Variants in CEMIP observed in about 807,000 individuals in gnomAD.
The protein encoded by CEMIP is cell migration-inducing and hyaluronan-binding protein.
CEMIP carries 105 observed loss-of-function variants against 156.9 expected under a neutral mutation model. The ratio of observed to expected loss-of-function variants is 0.67; its 90% CI spans 0.57 to 0.79. The LOEUF is 0.79. Among genes scored for constraint, CEMIP ranks in the 30% least tolerant of loss-of-function variants. CEMIP has a pLI of 0.00. For missense variants in CEMIP, 1,457 were observed against 1,769.4 expected, an observed-to-expected ratio of 0.82 and a Z score of 3.17; for synonymous variants, 676 against 668.4, an observed-to-expected ratio of 1.01 and a Z score of -0.17.
In CEMIP at chr15:80,872,277, G is replaced by A. The variant is rs183573246; in HGVS notation, c.-175-1261G>A. Among the ~76,000 whole-genome samples, 104 of 152,166 alleles carry A rather than the reference G, an allele frequency of 6.8e-4. 1 individual carries two copies. Among genetic ancestry groups the A allele is most frequent in the African/African-American group, 2.4e-3 (100 of 41,430 alleles). ...GGCACAACTACAGTCATATTCAGAG[G>A]AGAAATTGCGGAGATGGCATAGAAG... On this transcript the variant is annotated intron_variant, in intron 1 of 29. Coordinates refer to ENST00000394685, the MANE Select transcript of CEMIP (RefSeq NM_001293298.2).
intron 1 of CEMIP, among the ~76,000 whole-genome samples, chr15:80,793,043 C>G (rs1896122240): frequency 6.6e-6 from 1 of 152,188 alleles, no homozygotes; most frequent in Non-Finnish European, 1.5e-5. Context: ...GATGAAAATA[C>G]AGTTTAAGAA....
At chr15:80,782,579 T>C (rs1384125593) in intron 1 of CEMIP, among the ~76,000 whole-genome samples, 1 of 152,156 alleles carries the variant, frequency 6.6e-6, no homozygotes, top group Non-Finnish European at 1.5e-5. Context: ...TAGTACCCAG[T>C]CTTCCAGTTA....
At chr15:80,821,924 G>A (rs1896918786) in intron 1 of CEMIP, among the ~76,000 whole-genome samples, 1 of 152,244 alleles carries the variant, frequency 6.6e-6, no homozygotes, top group African/African-American at 2.4e-5. Flanking sequence ...AGGCCGCCAT[G>A]TTGGAAGGCT....
chr15:80,854,467 G>A (rs1212276744), intron 1 of CEMIP, among the ~76,000 whole-genome samples: 1 of 152,226 alleles, frequency 6.6e-6, no homozygotes, highest in Non-Finnish European at 1.5e-5. Context: ...GGAACGCAAG[G>A]CTGACCTGTG....
At chr15:80,832,825 G>C (rs1488112561) in intron 1 of CEMIP, among the ~76,000 whole-genome samples, 2 of 152,202 alleles carry the variant, frequency 1.3e-5, no homozygotes, top group Non-Finnish European at 2.9e-5. Flanking sequence ...TGTGGACAGA[G>C]CCAACTTGTC....
intron 1 of CEMIP, among the ~76,000 whole-genome samples, chr15:80,837,167 C>G (rs992918411): frequency 2.6e-5 from 4 of 152,200 alleles, no homozygotes; most frequent in Non-Finnish European, 5.9e-5. Flanking sequence ...CAGGGCACTA[C>G]CAGGCCCTCC....
chr15:80,884,075 C>T, intron 6 of CEMIP, 100 bp from the exon 7 acceptor site: 5 of 1,161,664 alleles, frequency 4.3e-6, no homozygotes, highest in Admixed American at 3.4e-5. Context: ...CTGGGATCAT[C>T]GGATAGCATG....
intron 1 of CEMIP, among the ~76,000 whole-genome samples, chr15:80,817,875 T>C (rs958770789): frequency 6.6e-6 from 1 of 152,150 alleles, no homozygotes; most frequent in African/African-American, 2.4e-5. Context: ...GTAAAAATTA[T>C]ATGATCAGAG....
At chr15:80,814,492 G>A (rs556697764) in intron 1 of CEMIP, among the ~76,000 whole-genome samples, 5 of 152,252 alleles carry the variant, frequency 3.3e-5, no homozygotes, top group Admixed American at 2.6e-4. Flanking sequence ...CCTCTTCAAG[G>A]TTCACATGTC....
chr15:80,886,322 C>T (rs867112296), intron 7 of CEMIP, among the ~76,000 whole-genome samples: 6 of 150,862 alleles, frequency 4.0e-5, no homozygotes, highest in South Asian at 2.1e-4. Flanking sequence ...TGGAGGGGGG[C>T]GGGGGCAAAG....
At chr15:80,789,114 C>T (rs1236349224) in intron 1 of CEMIP, among the ~76,000 whole-genome samples, 1 of 152,156 alleles carries the variant, frequency 6.6e-6, no homozygotes, top group Non-Finnish European at 1.5e-5. Flanking sequence ...CACCCACTTC[C>T]AGGGCCCATT....
intron 1 of CEMIP, among the ~76,000 whole-genome samples, chr15:80,817,856 C>A (rs867183325): frequency 6.6e-6 from 1 of 152,122 alleles, no homozygotes; most frequent in East Asian, 1.9e-4. Flanking sequence ...CTTAAATGCA[C>A]CACTTCTTGT....
At position 80,932,781 on chromosome 15, in the gene CEMIP, T is replaced by G. The variant is rs1567108128; in HGVS notation, c.2794-464T>G. Among the ~76,000 whole-genome samples the G allele has an allele frequency of 1.3e-5, 2 of 152,226 alleles. No individual in the cohort carries two copies. The highest frequency in any genetic ancestry group is 1.3e-4 in the Admixed American group (2 of 15,288). On this transcript the variant is annotated intron_variant, in intron 22 of 29. Coordinates refer to ENST00000394685, the MANE Select transcript of CEMIP (RefSeq NM_001293298.2). This position sits in a 1 kb window ranked among gnomAD's most constrained non-coding sequence, Gnocchi z 4.5. ...CAAGGGCTCATGCTGCAAAACTGTCTTCCTGAAACGTGCCACATGCATCTT... is the reference window on the plus strand; with the variant it reads ...CAAGGGCTCATGCTGCAAAACTGTCGTCCTGAAACGTGCCACATGCATCTT...
At chr15:80,840,349 G>C (rs1394546964) in intron 1 of CEMIP, among the ~76,000 whole-genome samples, 1 of 152,152 alleles carries the variant, frequency 6.6e-6, no homozygotes, top group African/African-American at 2.4e-5. Context: ...CAGTTGGCTG[G>C]AGCAGCAGGT....
At chr15:80,890,256 GA>G (rs1898990810) in intron 10 of CEMIP, among the ~76,000 whole-genome samples, 1 of 152,074 alleles carries the variant, frequency 6.6e-6, no homozygotes, top group South Asian at 2.1e-4. Context: ...GACAAGATTT[GA>G]GGCTGCTTAA....
chr15:80,788,147 A>G (rs12324196), intron 1 of CEMIP, among the ~76,000 whole-genome samples: 23,080 of 152,044 alleles, frequency 0.15, 3,061 homozygotes, highest in African/African-American at 0.36. Context: ...GAGTGCATAG[A>G]GGAGCTAGTT....
intron 16 of CEMIP, 60 bp downstream of exon 16, chr15:80,921,161 C>T: frequency 1.4e-6 from 2 of 1,455,100 alleles, no homozygotes; most frequent in African/African-American, 1.4e-5. Context: ...GTCAGGGAGA[C>T]AGCCGAGGCT....
chr15:80,875,341 C>T (rs375472242), intron 3 of CEMIP, among the ~76,000 whole-genome samples: 3 of 152,020 alleles, frequency 2.0e-5, no homozygotes, highest in Non-Finnish European at 4.4e-5. Context: ...AGCCAGTAGT[C>T]CTTATTTTAA....
intron 1 of CEMIP, among the ~76,000 whole-genome samples, chr15:80,799,930 C>A (rs1896333099): frequency 6.6e-6 from 1 of 151,910 alleles, no homozygotes; most frequent in Non-Finnish European, 1.5e-5. Context: ...CTCACTGTAG[C>A]CTCGAACTCC....
Sources: allele counts gnomAD v4.1 joint callset (sites outside exome capture counted in the v4.1 genomes callset), GRCh38; gene constraint gnomAD v4.1.1; non-coding constraint Gnocchi (gnomAD v3.1); transcripts MANE v1.5; gene names NCBI Gene and HGNC (gene_info 2026-07-23, HGNC 2026-07-21).